The following CMIP variants were observed in gnomAD, a reference collection of about 807,000 sequenced individuals.
CMIP encodes the protein c-Maf inducing protein, also known as C-Maf-inducing protein.
In CMIP, 13 loss-of-function variants were observed where a neutral mutation model predicts 97.3. The observed-to-expected ratio is 0.13, with a 90% CI of 0.09 to 0.21. The LOEUF is 0.21. CMIP is among the 10% of genes least tolerant of loss of function. The pLI is 1.00. For missense variants in CMIP, 847 were observed against 1,024.9 expected, an observed-to-expected ratio of 0.83 and a Z score of 2.37; for synonymous variants, 538 against 436.3, an observed-to-expected ratio of 1.23 and a Z score of -2.91.
At chr16:81,620,957 C>A in intron 3 of CMIP, 31 bp downstream of exon 3, 1 of 1,612,482 alleles carries the variant, frequency 6.2e-7, no homozygotes, top group South Asian at 1.1e-5. Flanking sequence ...TTGTTTAAAG[C>A]GACTCAGGCA....
chr16:81,533,209 A>C (rs1353562264), intron 1 of CMIP, among the ~76,000 whole-genome samples: 1 of 152,120 alleles, frequency 6.6e-6, no homozygotes, highest in Non-Finnish European at 1.5e-5. Flanking sequence ...ATTCCATCCC[A>C]CTAGAAAGGC....
At chr16:81,555,203 C>G (rs1402086467) in intron 1 of CMIP, among the ~76,000 whole-genome samples, 1 of 152,216 alleles carries the variant, frequency 6.6e-6, no homozygotes, top group African/African-American at 2.4e-5. Context: ...CCGATGTTGT[C>G]ATTGTTATAA....
intron 1 of CMIP, among the ~76,000 whole-genome samples, chr16:81,507,185 G>T (rs1292998669): frequency 6.6e-6 from 1 of 152,164 alleles, no homozygotes; most frequent in Non-Finnish European, 1.5e-5. Flanking sequence ...GAACCCAGGA[G>T]GCGGAGCTTG....
At chr16:81,447,027 G>C (rs1905892632) in intron 1 of CMIP, among the ~76,000 whole-genome samples, 1 of 152,208 alleles carries the variant, frequency 6.6e-6, no homozygotes, top group African/African-American at 2.4e-5. Context: ...CGGTCAGGCT[G>C]GTGCATGTTC....
chr16:81,573,360 A>G (rs553536683), intron 1 of CMIP, among the ~76,000 whole-genome samples: 1 of 152,146 alleles, frequency 6.6e-6, no homozygotes, highest in Non-Finnish European at 1.5e-5. Context: ...TAAAAAAAAA[A>G]AAAAGGCATG....
intron 1 of CMIP, among the ~76,000 whole-genome samples, chr16:81,483,141 T>C (rs1357143065): frequency 6.6e-6 from 1 of 152,058 alleles, no homozygotes; most frequent in Non-Finnish European, 1.5e-5. Context: ...GGGTGTGGCG[T>C]CTGTGTGTGG....
chr16:81,615,239 G>A (rs2091896565), intron 2 of CMIP, among the ~76,000 whole-genome samples: 1 of 142,254 alleles, frequency 7.0e-6, no homozygotes, highest in Non-Finnish European at 1.5e-5. Flanking sequence ...TGGTGTATGT[G>A]TGTCTGTGTG....
chr16:81,531,153 G>A (rs559403000), intron 1 of CMIP, among the ~76,000 whole-genome samples: 1 of 152,220 alleles, frequency 6.6e-6, no homozygotes, highest in South Asian at 2.1e-4. Flanking sequence ...GAGGAGAGTG[G>A]GCCCAAATCC....
chr16:81,482,625 C>T (rs571958489), intron 1 of CMIP, among the ~76,000 whole-genome samples: 11 of 152,170 alleles, frequency 7.2e-5, no homozygotes, highest in Non-Finnish European at 1.2e-4. Flanking sequence ...CCCTGCCCCT[C>T]CCCCACCTAG....
chr16:81,619,809 A>G (rs2091969323), intron 2 of CMIP: 1 of 152,188 alleles, frequency 6.6e-6, no homozygotes, highest in South Asian at 2.1e-4. Flanking sequence ...AGATGACAGT[A>G]CCGACTTCAC....
chr16:81,626,812 T>TGGGG (rs1335002419), intron 3 of CMIP, among the ~76,000 whole-genome samples: 1 of 120,410 alleles, frequency 8.3e-6, no homozygotes, highest in African/African-American at 3.3e-5. Context: ...TGTGTGTGTG[T>TGGGG]GTGTGGGGTG....
At chr16:81,547,515 G>A (rs569011702) in intron 1 of CMIP, among the ~76,000 whole-genome samples, 4 of 152,276 alleles carry the variant, frequency 2.6e-5, no homozygotes, top group African/African-American at 9.6e-5. Flanking sequence ...TGCGGGGTCA[G>A]GGCTGGACAC....
chr16:81,484,102 T>G (rs2089275644), intron 1 of CMIP, among the ~76,000 whole-genome samples: 1 of 152,194 alleles, frequency 6.6e-6, no homozygotes, highest in South Asian at 2.1e-4. Context: ...ATAGCGTTTT[T>G]GCCAAGTCAC....
At chr16:81,515,380 T>A (rs977930280) in intron 1 of CMIP, among the ~76,000 whole-genome samples, 1 of 152,120 alleles carries the variant, frequency 6.6e-6, no homozygotes, top group Non-Finnish European at 1.5e-5. Context: ...AAGGTCTGTG[T>A]TGGAGGGCAC....
chr16:81,559,012 G>T (rs763721297), intron 1 of CMIP, among the ~76,000 whole-genome samples: 1 of 152,188 alleles, frequency 6.6e-6, no homozygotes. Flanking sequence ...GCATTACCCC[G>T]TGTTTGTGAA....
intron 1 of CMIP, chr16:81,520,147 A>G (rs1395151554): frequency 6.6e-6 from 1 of 152,262 alleles, no homozygotes; most frequent in African/African-American, 2.4e-5. Flanking sequence ...CTGCCCAGGT[A>G]GTCAAGAAGC....
chr16:81,648,600 A>G (rs2092392035), intron 3 of CMIP, among the ~76,000 whole-genome samples: 2 of 151,942 alleles, frequency 1.3e-5, no homozygotes, highest in African/African-American at 2.4e-5. Context: ...CCTGGCCAAC[A>G]TGGTGAAGCC....
chr16:81,702,715 T>G, intron 17 of CMIP, 46 bp downstream of exon 17: 119 of 1,571,956 alleles, frequency 7.6e-5, no homozygotes, highest in Non-Finnish European at 9.6e-5. Flanking sequence ...GAAGGTGGGT[T>G]GGTCCTCTCT....
At chr16:81,692,787 T>C (rs1260291711) in intron 11 of CMIP, among the ~76,000 whole-genome samples, 1 of 152,204 alleles carries the variant, frequency 6.6e-6, no homozygotes, top group Non-Finnish European at 1.5e-5. Context: ...GCCGCTGATG[T>C]GTGCAGTAAT....
Sources: gnomAD v4.1 joint callset for allele counts (sites outside exome capture counted in the v4.1 genomes callset) on GRCh38, gnomAD v4.1.1 for gene constraint, MANE v1.5 for transcripts, NCBI Gene and HGNC (gene_info 2026-07-23, HGNC 2026-07-21) for gene names.